NEFL: variants seen among roughly 807,000 people sequenced by gnomAD.
The protein encoded by NEFL is neurofilament light polypeptide.
A neutral mutation model predicts 51.6 loss-of-function variants in NEFL; 36 were observed. That is an observed-to-expected ratio of 0.70 (90% CI 0.53 to 0.92). The LOEUF is 0.92. NEFL is among the 40% of genes least tolerant of loss of function. NEFL has a pLI of 0.00. For synonymous variants in NEFL, 332 were observed against 302.5 expected (o/e 1.10, Z -1.01); for missense variants, 671 against 722.0 (o/e 0.93, Z 0.81).
Position 24,955,970 on chromosome 8 carries a change from C to T in NEFL, c.546G>A (p.Val182=). Residue 182 remains valine (V), a synonymous_variant, in exon 1 of 4, where the codon GTG becomes GTA. Coordinates refer to ENST00000610854, the MANE Select transcript of NEFL (RefSeq NM_006158.5). This position sits in a 1 kb window ranked among gnomAD's most constrained non-coding sequence, Gnocchi z 4.0. ...GGCCCTCGGCGTCCTCGCGGCTCAG[C>T]ACCTCCTCTTCATAGCGCGCCTGCA... ...RNLQARYEEE[V]LSREDAEGRL... is the part of the protein sequence containing the mutation. 1 of 1,603,058 alleles carries T rather than the reference C, an allele frequency of 6.2e-7. No homozygotes were observed.
At position 24,955,727 on chromosome 8, in the gene NEFL, C is replaced by T. The variant is rs549124562; in HGVS notation, c.789G>A (p.Ala263=). The change falls in exon 1 of 4, where the codon GCG becomes GCA. Residue 263 remains alanine (A), a synonymous_variant. Transcript: ENST00000610854. The surrounding 1 kb of genome is among the most constrained non-coding windows in gnomAD (Gnocchi z 4.0). ...DLSAALKDIR[A]QYEKLAAKNM... is the part of the protein sequence containing the mutation. ...TCTTGGCGGCCAGCTTCTCGTACTGCGCGCGGATGTCCTTGAGCGCGGCGG... is the reference window on the plus strand; with the variant it reads ...TCTTGGCGGCCAGCTTCTCGTACTGTGCGCGGATGTCCTTGAGCGCGGCGG... The T allele has an allele frequency of 3.7e-6, 6 of 1,613,796 alleles. No homozygotes were observed. Among genetic ancestry groups the T allele is most frequent in the African/African-American group, 2.7e-5 (2 of 75,058 alleles).
At position 24,955,467 on chromosome 8, in the gene NEFL, C is replaced by G. The variant is rs779620367; in HGVS notation, c.1044+5G>C. ...CGCCCCCCTGTGTTTCTGGCCGTGC[C>G]GCACCTGCATAGCGCTGATGTCGGC... On this transcript the variant is annotated splice_donor_5th_base_variant and intron_variant, in intron 1 of 3. Coordinates refer to ENST00000610854, the MANE Select transcript of NEFL (RefSeq NM_006158.5). The surrounding 1 kb of genome is among the most constrained non-coding windows in gnomAD (Gnocchi z 4.0). 3 of 1,584,806 alleles carry G rather than the reference C, an allele frequency of 1.9e-6. No individual in the cohort carries two copies. The highest frequency in any genetic ancestry group is 1.4e-5 in the African/African-American group (1 of 73,840).
chr8:24,951,599 A>T lies in NEFL; in HGVS notation c.*1211T>A, dbSNP rs1802970245. The T allele has an allele frequency of 6.6e-6, 1 of 152,510 alleles. No homozygotes were observed. 9.4% of individuals were successfully genotyped at this position (152,510 alleles called of 1,614,324 possible). A position where few individuals can be genotyped will look rare whatever the true frequency, so the allele number is the denominator to read the frequency against. ...AGCAATGTCAATGTAACATACAAGC[A>T]TATTACCTCCCCCCTTAAGTGACTC... On this transcript the variant is annotated 3_prime_UTR_variant, in exon 4 of 4. Transcript: ENST00000610854.
rs759353418 is a variant in NEFL at position 24,956,243 on chromosome 8, C to T, written c.273G>A (p.Lys91=). 3 of 1,612,126 alleles carry T rather than the reference C, an allele frequency of 1.9e-6. No individual in the cohort carries two copies. In the South Asian group the frequency reaches 3.3e-5, roughly 18 times the overall value. The change falls in exon 1 of 4, where the codon AAG becomes AAA. Residue 91 remains lysine (K), a synonymous_variant. Transcript: ENST00000610854. The surrounding 1 kb of genome is among the most constrained non-coding windows in gnomAD (Gnocchi z 5.9). ...GGTCATTGAGGTCCTGGAGCTGCGC[C>T]TTCTCCTGCGTGCGGATGGACTTGA... is the stretch of plus-strand genomic sequence containing the variant. ...NDLKSIRTQE[K]AQLQDLNDRF...
chr8:24,956,222 A>G lies in NEFL; in HGVS notation c.294T>C (p.Asn98=), dbSNP rs1057517776. The G allele has an allele frequency of 6.2e-7, 1 of 1,611,600 alleles. No individual in the cohort carries two copies. Residue 98 remains asparagine (N), a synonymous_variant, in exon 1 of 4, where the codon AAT becomes AAC. Transcript: ENST00000610854. This position sits in a 1 kb window ranked among gnomAD's most constrained non-coding sequence, Gnocchi z 5.9. ...GCTCGATGAAGCTGGCGAAGCGGTC[A>G]TTGAGGTCCTGGAGCTGCGCCTTCT... is the stretch of plus-strand genomic sequence containing the variant. The part of the protein sequence containing the change: ...TQEKAQLQDL[N]DRFASFIERV...
rs1554497433 is a variant in NEFL at position 24,954,307 on chromosome 8, T to C, written c.1045-2A>G. 6.2e-7 allele frequency: 1 copy of C among 1,609,884 alleles called. No homozygotes were observed. The highest frequency in any genetic ancestry group is 8.5e-7 in the Non-Finnish European group (1 of 1,178,864). Reference sequence around the variant, plus strand: ...ATTTTCTAATTTGTTGATCGTGTCCTGTTTGAAGACAAAAATAAAACAAAA... The same window carrying C: ...ATTTTCTAATTTGTTGATCGTGTCCCGTTTGAAGACAAAAATAAAACAAAA... On this transcript the variant is annotated splice_acceptor_variant, in intron 1 of 3. Coordinates refer to ENST00000610854, the MANE Select transcript of NEFL (RefSeq NM_006158.5). LOFTEE classifies it high-confidence loss of function.
Position 24,953,556 on chromosome 8 carries a change from G to T in NEFL, c.1409C>A (p.Pro470His), listed in dbSNP as rs1170554677. The change falls in exon 3 of 4, where the codon CCC becomes CAC. Residue 470 changes from proline (P) to histidine (H), a missense_variant. Transcript: ENST00000610854. ...AAKAEEAKDE[P>H]PSEGEAEEEE... is the part of the protein sequence containing the mutation. ...CTCCTCGGCTTCTCCTTCAGAGGGGGGCTCATCCTTGGCTTCCTCAGCCTT... is the reference window on the plus strand; with the variant it reads ...CTCCTCGGCTTCTCCTTCAGAGGGGTGCTCATCCTTGGCTTCCTCAGCCTT... The T allele has an allele frequency of 8.1e-6, 13 of 1,613,726 alleles. No homozygotes were observed. Among genetic ancestry groups the T allele is most frequent in the African/African-American group, 1.3e-5 (1 of 74,996 alleles).
chr8:24,956,436 G>A lies in NEFL; in HGVS notation c.80C>T (p.Ser27Phe). Residue 27 changes from serine to phenylalanine, a missense_variant, in exon 1 of 4, where the codon TCC (serine) becomes TTC (phenylalanine). By Grantham distance (155) the Ser-to-Phe change is radical. Coordinates refer to ENST00000610854, the MANE Select transcript of NEFL (RefSeq NM_006158.5). This position sits in a 1 kb window ranked among gnomAD's most constrained non-coding sequence, Gnocchi z 5.9. ...RYVETPRVHI[S>F]SVRSGYSTAR... Reference sequence around the variant, plus strand: ...GGTGCTGTAGCCGCTGCGCACGCTGGAGATGTGCACCCGGGGCGTCTCCAC... The same window carrying A: ...GGTGCTGTAGCCGCTGCGCACGCTGAAGATGTGCACCCGGGGCGTCTCCAC... 1 of 1,603,918 alleles carries A rather than the reference G, an allele frequency of 6.2e-7. No individual in the cohort carries two copies. The highest frequency in any genetic ancestry group is 8.5e-7 in the Non-Finnish European group (1 of 1,175,962).
rs769903378 is a variant in NEFL, at chr8:24,956,476, A to G, written c.40T>C (p.Tyr14His). The G allele has an allele frequency of 2.3e-5, 37 of 1,604,182 alleles. No homozygotes were observed. The highest frequency in any genetic ancestry group is 3.1e-5 in the Non-Finnish European group (37 of 1,176,266). Residue 14 changes from tyrosine to histidine, a missense_variant, in exon 1 of 4, where the codon TAC (tyrosine) becomes CAC (histidine). Tyr to His is a moderately conservative substitution (Grantham distance 83). Transcript: ENST00000610854. The surrounding 1 kb of genome is among the most constrained non-coding windows in gnomAD (Gnocchi z 5.9). ...FSYEPYYSTS[Y>H]KRRYVETPRV... ...GGCGTCTCCACGTAGCGCCGCTTGT[A>G]GGAGGTCGAGTAGTACGGCTCGTAG...
chr8:24,954,394 T>A, intron 1 of NEFL, 89 bp from the exon 2 acceptor site: 3 of 1,459,772 alleles, frequency 2.1e-6, no homozygotes. Flanking sequence ...AAGGCCTAGT[T>A]TCGATTAAAA....
chr8:24,953,696 G>A lies in NEFL; in HGVS notation c.1269C>T (p.Ala423=). The change falls in exon 3 of 4, where the codon GCC becomes GCT. Residue 423 remains alanine (A), a synonymous_variant. Transcript: ENST00000610854. ...AGGAGCTGGTCTGTAAACCGCCGTA[G>A]GCAGATCGGCCAAAGACCTGGGAGC... ...SQSSQVFGRS[A]YGGLQTSSYL... is the part of the protein sequence containing the mutation. 1 of 1,613,994 alleles carries A rather than the reference G, an allele frequency of 6.2e-7. No individual in the cohort carries two copies. The highest frequency in any genetic ancestry group is 8.5e-7 in the Non-Finnish European group (1 of 1,179,894).
chr8:24,954,354 C>T (rs752138639), intron 1 of NEFL, 49 bp from the exon 2 acceptor site: 7 of 1,600,732 alleles, frequency 4.4e-6, no homozygotes, highest in Non-Finnish European at 6.0e-6. Flanking sequence ...GCATAAATCC[C>T]TTCTATTATT....
chr8:24,952,907 C>T lies in NEFL; in HGVS notation c.1535G>A (p.Gly512Asp). 1 of 1,604,710 alleles carries T rather than the reference C, an allele frequency of 6.2e-7. No individual in the cohort carries two copies. The highest frequency in any genetic ancestry group is 8.5e-7 in the Non-Finnish European group (1 of 1,171,772). The change falls in exon 4 of 4, where the codon GGT (glycine) becomes GAT (aspartate). Residue 512 changes from glycine to aspartate, a missense_variant. Gly to Asp is a moderately conservative substitution (Grantham distance 94). Coordinates refer to ENST00000610854, the MANE Select transcript of NEFL (RefSeq NM_006158.5). ...SEEAKEEEEG[G>D]EGEEGEETKE... is the part of the protein sequence containing the mutation. ...GGTTTCCTCTCCTTCTTCACCTTCA[C>T]CTCCTTCTTCTTCTTCTTTTGCTTC...
Position 24,956,440 on chromosome 8 carries a change from T to A in NEFL, c.76A>T (p.Ile26Phe). The change falls in exon 1 of 4, where the codon ATC becomes TTC. Residue 26 changes from isoleucine (I) to phenylalanine (F), a missense_variant. Coordinates refer to ENST00000610854, the MANE Select transcript of NEFL (RefSeq NM_006158.5). This position sits in a 1 kb window ranked among gnomAD's most constrained non-coding sequence, Gnocchi z 5.9. The part of the protein sequence containing the change: ...RRYVETPRVH[I>F]SSVRSGYSTA... ...CTGTAGCCGCTGCGCACGCTGGAGA[T>A]GTGCACCCGGGGCGTCTCCACGTAG... is the stretch of plus-strand genomic sequence containing the variant. 6.2e-7 allele frequency: 1 copy of A among 1,603,920 alleles called. No homozygotes were observed. Among genetic ancestry groups the A allele is most frequent in the Non-Finnish European group, 8.5e-7 (1 of 1,175,990 alleles).
rs1803061829 is a variant in NEFL, at chr8:24,956,612, C to G, written c.-97G>C. ...AAGGGGGAGGATGGATGGCTGTGTGCGGCTCGGCGCCGTTCTGCCACCCCT... is the reference window on the plus strand; with the variant it reads ...AAGGGGGAGGATGGATGGCTGTGTGGGGCTCGGCGCCGTTCTGCCACCCCT... On this transcript the variant is annotated 5_prime_UTR_variant, in exon 1 of 4. Transcript: ENST00000610854. The surrounding 1 kb of genome is among the most constrained non-coding windows in gnomAD (Gnocchi z 5.9). 1.7e-6 allele frequency: 2 copies of G among 1,195,870 alleles called. No individual in the cohort carries two copies. Among genetic ancestry groups the G allele is most frequent in the African/African-American group, 3.0e-5 (2 of 65,978 alleles). The allele number at this position is 1,195,870 out of a possible 1,614,324, so 74.1% of individuals were successfully genotyped here.
At chr8:24,953,918 A>C in intron 2 of NEFL, 123 bp from the exon 3 acceptor site, 1 of 1,366,994 alleles carries the variant, frequency 7.3e-7, no homozygotes. Context: ...ATGCCTGGGG[A>C]TCTTTTGATG....
rs1234770426 is a variant in NEFL at position 24,951,326 on chromosome 8, CA to C, written c.*1483del. The C allele has an allele frequency of 1.3e-5, 2 of 152,110 alleles. No homozygotes were observed. The highest frequency in any genetic ancestry group is 4.8e-5 in the African/African-American group (2 of 41,416). 9.4% of individuals were successfully genotyped at this position (152,110 alleles called of 1,614,324 possible). On this transcript the variant is annotated 3_prime_UTR_variant, in exon 4 of 4. Transcript: ENST00000610854. Reference sequence around the variant, plus strand: ...CTTTAAATGGAGACCACTTTGGTTTCAGGTTAAATTAATAACTTATAGAGAT... The same window carrying C: ...CTTTAAATGGAGACCACTTTGGTTTCGGTTAAATTAATAACTTATAGAGAT...
Position 24,951,998 on chromosome 8 carries a change from T to C in NEFL, c.*812A>G, listed in dbSNP as rs1182579006. 1.3e-5 allele frequency: 2 copies of C among 152,326 alleles called. No homozygotes were observed. Among genetic ancestry groups the C allele is most frequent in the South Asian group, 4.1e-4 (2 of 4,826 alleles). The allele number at this position is 152,326 out of a possible 1,614,324, so 9.4% of individuals were successfully genotyped here. On this transcript the variant is annotated 3_prime_UTR_variant, in exon 4 of 4. Transcript: ENST00000610854. ...TATTTATCATGGTTCCATAGTGTAA[T>C]GGTTAGCACTCTAGACTCTGAAATG...
Position 24,952,786 on chromosome 8 carries a change from T to C in NEFL, c.*24A>G. 1.2e-6 allele frequency: 2 copies of C among 1,613,926 alleles called. No individual in the cohort carries two copies. Among genetic ancestry groups the C allele is most frequent in the East Asian group, 2.2e-5 (1 of 44,876 alleles). On this transcript the variant is annotated 3_prime_UTR_variant, in exon 4 of 4. Transcript: ENST00000610854. Reference sequence around the variant, plus strand: ...GACCTGATTTCGGGAGAATTATTCCTGAAATAATTAAGGAAATGGGGGTTC... The same window carrying C: ...GACCTGATTTCGGGAGAATTATTCCCGAAATAATTAAGGAAATGGGGGTTC...
Sources: allele counts gnomAD v4.1 joint callset, GRCh38; gene constraint gnomAD v4.1.1; non-coding constraint Gnocchi (gnomAD v3.1); transcripts MANE v1.5; gene names NCBI Gene and HGNC (gene_info 2026-07-23, HGNC 2026-07-21).